MYO5B: variants seen among roughly 807,000 people sequenced by gnomAD.
The protein encoded by MYO5B is myosin VB, also known as unconventional myosin-Vb.
A neutral mutation model predicts 229.3 loss-of-function variants in MYO5B; 143 were observed. That is an observed-to-expected ratio of 0.62 (90% CI 0.54 to 0.72). The LOEUF is 0.72. Ranked by LOEUF, MYO5B falls within the 30% of genes least tolerant of loss-of-function variation. The pLI, the probability that MYO5B is intolerant of heterozygous loss-of-function variation, is 0.00. For missense variants in MYO5B, 2,321 were observed against 2,331.0 expected (o/e 1.00, Z 0.09); for synonymous variants, 918 against 885.2 (o/e 1.04, Z -0.66).
At chr18:50,136,793 A>G (rs2032343455) in intron 1 of MYO5B, among the ~76,000 whole-genome samples, 1 of 152,220 alleles carries the variant, frequency 6.6e-6, no homozygotes, top group Non-Finnish European at 1.5e-5. Context: ...TTGGAGAATT[A>G]TAGCAAAGAT....
intron 5 of MYO5B, among the ~76,000 whole-genome samples, chr18:49,997,825 T>C (rs1329088666): frequency 1.3e-5 from 2 of 152,108 alleles, no homozygotes; most frequent in Non-Finnish European, 2.9e-5. Flanking sequence ...CCAGGAGGTG[T>C]CTGCAGCTGC....
At chr18:49,921,178 G>C (rs2025070735) in intron 17 of MYO5B, among the ~76,000 whole-genome samples, 1 of 151,580 alleles carries the variant, frequency 6.6e-6, no homozygotes, top group African/African-American at 2.4e-5. Flanking sequence ...TGAGGAAGAA[G>C]TGGAAGTCTT....
rs1349820250 is a variant in MYO5B, at chr18:50,043,452, TA to T, written c.139-3139del. On this transcript the variant is annotated intron_variant, in intron 2 of 39. Transcript: ENST00000285039. ...TTAAATATATTAAATATTAAATATT[TA>T]AATATATTTGTATATATTTACATAT... 3.7e-3 allele frequency among the ~76,000 whole-genome samples: 444 copies of T among 118,894 alleles called. 15 individuals are homozygous for T. The highest frequency in any genetic ancestry group is 0.014 in the African/African-American group (393 of 28,258). The allele number at this position is 118,894 out of a possible 152,430, so 78.0% of individuals were successfully genotyped here.
At chr18:50,192,164 T>C (rs2033237526) in intron 1 of MYO5B, among the ~76,000 whole-genome samples, 1 of 152,136 alleles carries the variant, frequency 6.6e-6, no homozygotes, top group African/African-American at 2.4e-5. Context: ...GACATCTCAA[T>C]TGGTTCAGCT....
chr18:49,846,556 C>G (rs1012601308), intron 33 of MYO5B, among the ~76,000 whole-genome samples: 1 of 152,152 alleles, frequency 6.6e-6, no homozygotes, highest in African/African-American at 2.4e-5. Context: ...AGAGACCACA[C>G]CCACATGTGC....
rs138743872 is a variant in MYO5B, at chr18:50,040,286, C to A, written c.167G>T (p.Arg56Leu). The A allele has an allele frequency of 2.5e-4, 404 of 1,613,962 alleles. 3 individuals carry two copies. In the African/African-American group the frequency reaches 5.0e-3, roughly 20 times the overall value. The change falls in exon 3 of 40, where the codon CGC becomes CTC. Residue 56 changes from arginine to leucine, a missense_variant. Around this residue, in one of 2 missense-constraint regions of MYO5B, gnomAD observed 2,113 missense variants for 2,044.7 expected, o/e 1.03. Transcript: ENST00000285039. The part of the protein sequence containing the change: ...TILEYPIDVQ[R>L]NQLPFLRNPD... ...ATTCCGTAAGAAGGGCAGCTGGTTG[C>A]GTTGTACATCAATTGGGTATTCCAG...
intron 4 of MYO5B, among the ~76,000 whole-genome samples, chr18:50,028,467 T>A (rs1353964598): frequency 6.6e-6 from 1 of 151,914 alleles, no homozygotes; most frequent in Admixed American, 6.6e-5. Flanking sequence ...TGAAAAGCCA[T>A]GCTCATAAGG....
In MYO5B at chr18:49,929,610, G is replaced by GAA. The variant is rs56278513; in HGVS notation, c.2004-14_2004-13dup. On this transcript the variant is annotated splice_polypyrimidine_tract_variant and intron_variant, in intron 16 of 39. Transcript: ENST00000285039. ...TCTTTGGGTCAAAGCTGCCAAAGGA[G>GAA]AAAAAAAAAAAAAAAAGCAAGACAA... 9,521 of 1,284,110 alleles carry GAA rather than the reference G, an allele frequency of 7.4e-3. 13 individuals are homozygous for GAA. The highest frequency in any genetic ancestry group is 0.014 in the Middle Eastern group (53 of 3,756). 79.5% of individuals were successfully genotyped at this position (1,284,110 alleles called of 1,614,324 possible).
intron 14 of MYO5B, among the ~76,000 whole-genome samples, chr18:49,938,311 C>T (rs1032097712): frequency 1.3e-5 from 2 of 152,062 alleles, no homozygotes; most frequent in Non-Finnish European, 2.9e-5. Flanking sequence ...TTGGATGAGG[C>T]GCTGGTGACA....
intron 4 of MYO5B, among the ~76,000 whole-genome samples, chr18:50,031,119 C>A (rs79055373): frequency 5.9e-5 from 9 of 151,994 alleles, no homozygotes; most frequent in African/African-American, 2.2e-4. Context: ...TTTAGAGAGG[C>A]GGTAGGGCTT....
chr18:50,056,754 C>T (rs1269775616), intron 1 of MYO5B, among the ~76,000 whole-genome samples: 2 of 140,392 alleles, frequency 1.4e-5, no homozygotes, highest in East Asian at 4.2e-4. Flanking sequence ...TAATCAGAGG[C>T]TTTTTTTTTT....
chr18:49,905,220 A>T (rs1388157643), intron 19 of MYO5B, among the ~76,000 whole-genome samples: 1 of 152,176 alleles, frequency 6.6e-6, no homozygotes, highest in Non-Finnish European at 1.5e-5. Flanking sequence ...CCAGGCTTGG[A>T]GATCCCAGGG....
rs17658306 is a variant in MYO5B at position 49,905,126 on chromosome 18, C to T, written c.2415-298G>A. Among the ~76,000 whole-genome samples, 4,867 of 152,288 alleles carry T rather than the reference C, an allele frequency of 0.032. 105 individuals carry two copies. Among genetic ancestry groups the T allele is most frequent in the Middle Eastern group, 0.051 (15 of 292 alleles). ...TCCTTATCTGAGCACTCTTCTACCTCACTGTGCCTGGGCAGTCCTCAACTA... is the reference window on the plus strand; with the variant it reads ...TCCTTATCTGAGCACTCTTCTACCTTACTGTGCCTGGGCAGTCCTCAACTA... On this transcript the variant is annotated intron_variant, in intron 19 of 39. Transcript: ENST00000285039.
intron 1 of MYO5B, among the ~76,000 whole-genome samples, chr18:50,071,673 G>A (rs1172370807): frequency 6.6e-6 from 1 of 152,208 alleles, no homozygotes; most frequent in African/African-American, 2.4e-5. Context: ...AGTTAGCACA[G>A]CCATAGCTCC....
chr18:49,934,925 C>T (rs776209505), intron 16 of MYO5B, among the ~76,000 whole-genome samples: 7 of 151,954 alleles, frequency 4.6e-5, no homozygotes, highest in South Asian at 2.1e-4. Context: ...ATACTAGGCC[C>T]GAAACAGAAA....
chr18:49,911,051 T>C (rs2024952086), intron 18 of MYO5B, among the ~76,000 whole-genome samples: 1 of 152,152 alleles, frequency 6.6e-6, no homozygotes, highest in Non-Finnish European at 1.5e-5. Context: ...AAACATAAAA[T>C]CTATTGCCTT....
chr18:49,876,446 G>A (rs1173872724), intron 25 of MYO5B, among the ~76,000 whole-genome samples: 3 of 152,224 alleles, frequency 2.0e-5, no homozygotes, highest in African/African-American at 7.2e-5. Flanking sequence ...CTGTGAATGG[G>A]TAATGTGTAT....
intron 1 of MYO5B, among the ~76,000 whole-genome samples, chr18:50,093,090 G>T (rs2031481140): frequency 6.6e-6 from 1 of 151,866 alleles, no homozygotes; most frequent in Admixed American, 6.6e-5. Flanking sequence ...AATACAAAGA[G>T]CCAATAAACA....
intron 37 of MYO5B, 40 bp downstream of exon 37, chr18:49,837,477 C>T: frequency 6.2e-7 from 1 of 1,611,412 alleles, no homozygotes; most frequent in Non-Finnish European, 8.5e-7. Context: ...TCAGTGAGGG[C>T]CCACTCTATC....
Sources: allele counts gnomAD v4.1 joint callset (sites outside exome capture counted in the v4.1 genomes callset), GRCh38; gene constraint gnomAD v4.1.1; regional missense constraint gnomAD v4.1.1; transcripts MANE v1.5; gene names NCBI Gene and HGNC (gene_info 2026-07-23, HGNC 2026-07-21).